Variants in CLEC16A observed in about 807,000 individuals in gnomAD.
The protein encoded by CLEC16A is protein CLEC16A.
A neutral mutation model predicts 109.5 loss-of-function variants in CLEC16A; 51 were observed. The observed-to-expected ratio is 0.47, with a 90% CI of 0.37 to 0.59. The LOEUF (loss-of-function observed/expected upper bound fraction) is 0.59, where lower values mean the gene tolerates loss of function less well. Among genes scored for constraint, CLEC16A ranks in the 20% least tolerant of loss-of-function variants. CLEC16A has a pLI of 0.00. For synonymous variants in CLEC16A, 673 were observed against 564.2 expected (o/e 1.19, Z -2.73); for missense variants, 1,339 against 1,394.0 (o/e 0.96, Z 0.63).
chr16:11,143,141 T>C (rs1185606037), intron 22 of CLEC16A, among the ~76,000 whole-genome samples: 1 of 152,220 alleles, frequency 6.6e-6, no homozygotes. Context: ...GAGCACCTAC[T>C]GTGTGCCACG....
intron 11 of CLEC16A, among the ~76,000 whole-genome samples, chr16:11,014,823 A>G (rs1407710112): frequency 6.6e-6 from 1 of 152,176 alleles, no homozygotes; most frequent in Non-Finnish European, 1.5e-5. Context: ...GACAACAGGG[A>G]CAATTGGAGT....
rs2141059858 is a variant in CLEC16A, at chr16:11,178,932, TGACTGCACCG to T, written c.*244_*253del. The T allele has an allele frequency of 2.2e-6, 1 of 459,892 alleles. No individual in the cohort carries two copies. Among genetic ancestry groups the T allele is most frequent in the African/African-American group, 2.0e-5 (1 of 50,282 alleles). 28.5% of individuals were successfully genotyped at this position (459,892 alleles called of 1,614,324 possible). On this transcript the variant is annotated 3_prime_UTR_variant, in exon 24 of 24. Coordinates refer to ENST00000409790, the MANE Select transcript of CLEC16A (RefSeq NM_015226.3). The surrounding 1 kb of genome is among the most constrained non-coding windows in gnomAD (Gnocchi z 6.5). The stretch of plus-strand genomic sequence containing the variant: ...GCGGAGACACCGCGGCGAATGCAGA[TGACTGCACCG>T]GCCACTCAGGGAGCTGCCTGGGCTC...
At chr16:11,155,181 C>G (rs2054460235) in intron 22 of CLEC16A, among the ~76,000 whole-genome samples, 2 of 152,116 alleles carry the variant, frequency 1.3e-5, no homozygotes, top group African/African-American at 4.8e-5. Flanking sequence ...GTTCCAGGCA[C>G]CGTAAATTCC....
chr16:11,071,685 G>C (rs7184615), intron 19 of CLEC16A, among the ~76,000 whole-genome samples: 61,719 of 146,186 alleles, frequency 0.42, 13,958 homozygotes, highest in African/African-American at 0.6. Flanking sequence ...CTCCTGGGCT[G>C]AAGTGATCAT....
chr16:11,147,820 G>A (rs2054130060), intron 22 of CLEC16A, among the ~76,000 whole-genome samples: 1 of 152,184 alleles, frequency 6.6e-6, no homozygotes, highest in Non-Finnish European at 1.5e-5. Context: ...ATAGTTCAAT[G>A]TATGTAACAT....
chr16:10,975,618 T>A (rs1206047994), intron 7 of CLEC16A, among the ~76,000 whole-genome samples: 1 of 152,284 alleles, frequency 6.6e-6, no homozygotes, highest in South Asian at 2.1e-4. Context: ...CTTTACAACA[T>A]GTATTTGCTG....
At chr16:11,129,762 C>CTTTTT (rs34035128) in intron 22 of CLEC16A, among the ~76,000 whole-genome samples, 1 of 125,578 alleles carries the variant, frequency 8.0e-6, no homozygotes. Context: ...GGCCTGGTTC[C>CTTTTT]TTTTTTTTTT....
In CLEC16A at chr16:11,051,563, G is replaced by A. The variant is rs1315804163; in HGVS notation, c.1917G>A (p.Leu639=). 2 of 1,613,912 alleles carry A rather than the reference G, an allele frequency of 1.2e-6. No individual in the cohort carries two copies. The highest frequency in any genetic ancestry group is 1.1e-5 in the South Asian group (1 of 91,092). ...TCATGATGGACGCCTCCATCCTGCT[G>A]CCCCCAACAGGCACGCCACTGACGG... ...EYLMMDASIL[L]PPTGTPLTGI... is the part of the protein sequence containing the mutation. The change falls in exon 18 of 24, where the codon CTG becomes CTA. Residue 639 remains leucine, a synonymous_variant. Transcript: ENST00000409790.
chr16:11,079,423 A>T (rs2049577629), intron 19 of CLEC16A, among the ~76,000 whole-genome samples: 1 of 152,220 alleles, frequency 6.6e-6, no homozygotes, highest in Non-Finnish European at 1.5e-5. Flanking sequence ...AAGAGCCAAA[A>T]GTTCTCATCC....
At chr16:10,986,145 C>G (rs911171029) in intron 10 of CLEC16A, among the ~76,000 whole-genome samples, 1 of 149,402 alleles carries the variant, frequency 6.7e-6, no homozygotes, top group African/African-American at 2.5e-5. Context: ...ATTCTCCTGC[C>G]TCAGCCTCCC....
intron 9 of CLEC16A, 44 bp downstream of exon 9, chr16:10,979,426 C>A: frequency 6.4e-7 from 1 of 1,555,536 alleles, no homozygotes; most frequent in East Asian, 2.3e-5. Context: ...ATTTGGGGTC[C>A]CTTGGCGTGC....
intron 19 of CLEC16A, among the ~76,000 whole-genome samples, chr16:11,114,348 A>G (rs1480712225): frequency 6.6e-6 from 1 of 152,146 alleles, no homozygotes; most frequent in East Asian, 1.9e-4. Flanking sequence ...CCACCCCTGT[A>G]GAATTGGAGA....
chr16:11,022,393 C>G (rs866798237), intron 12 of CLEC16A, among the ~76,000 whole-genome samples: 1 of 127,208 alleles, frequency 7.9e-6, no homozygotes, highest in Admixed American at 9.2e-5. Context: ...GTTGCTCAGG[C>G]TAGTCTGGAA....
At position 11,174,032 on chromosome 16, in the gene CLEC16A, C is replaced by T. The variant is rs1597636966; in HGVS notation, c.2807-4303C>T. ...GCCACAAGCCCATGCTGGGCACTGC[C>T]CCACGACCCTCGCCCCTCGTCAGTG... On this transcript the variant is annotated intron_variant, in intron 23 of 23. Coordinates refer to ENST00000409790, the MANE Select transcript of CLEC16A (RefSeq NM_015226.3). This position sits in a 1 kb window ranked among gnomAD's most constrained non-coding sequence, Gnocchi z 4.7. 5.3e-6 allele frequency: 2 copies of T among 377,402 alleles called. No homozygotes were observed. The highest frequency in any genetic ancestry group is 1.5e-4 in the East Asian group (2 of 13,004). 23.4% of individuals were successfully genotyped at this position (377,402 alleles called of 1,614,324 possible).
intron 1 of CLEC16A, among the ~76,000 whole-genome samples, chr16:10,955,042 T>C (rs562785798): frequency 6.6e-6 from 1 of 152,310 alleles, no homozygotes; most frequent in South Asian, 2.1e-4. Flanking sequence ...TGAGGAAGCC[T>C]TGACTGTTCC....
chr16:11,174,135 C>T lies in CLEC16A; in HGVS notation c.2807-4200C>T, dbSNP rs369979239. The T allele has an allele frequency of 4.7e-4, 222 of 468,364 alleles. No individual in the cohort carries two copies. The highest frequency in any genetic ancestry group is 3.7e-3 in the African/African-American group (185 of 50,156). The allele number at this position is 468,364 out of a possible 1,614,324, so 29.0% of individuals were successfully genotyped here. A position where few individuals can be genotyped will look rare whatever the true frequency, so the allele number is the denominator to read the frequency against. ...TTGTTAAAGGCTTTCTATGATCTGTCGCTGTGTTTTCCCTCTAGTCAGGAG... is the reference window on the plus strand; with the variant it reads ...TTGTTAAAGGCTTTCTATGATCTGTTGCTGTGTTTTCCCTCTAGTCAGGAG... On this transcript the variant is annotated intron_variant, in intron 23 of 23. Transcript: ENST00000409790. The surrounding 1 kb of genome is among the most constrained non-coding windows in gnomAD (Gnocchi z 4.7).
intron 23 of CLEC16A, among the ~76,000 whole-genome samples, chr16:11,175,535 G>T (rs760872880): frequency 6.6e-6 from 1 of 152,198 alleles, no homozygotes; most frequent in African/African-American, 2.4e-5. Context: ...TGAAAACCTG[G>T]CAGAGTTCTC....
chr16:10,986,531 C>A (rs974037415), intron 10 of CLEC16A, among the ~76,000 whole-genome samples: 1 of 152,080 alleles, frequency 6.6e-6, no homozygotes, highest in Admixed American at 6.5e-5. Context: ...TACTTCATAC[C>A]CACTGGACAA....
intron 22 of CLEC16A, chr16:11,150,357 A>T (rs545029614): frequency 3.3e-5 from 5 of 152,260 alleles, no homozygotes. Flanking sequence ...ACTGTAAATC[A>T]GGAATCTGTG....
Sources: gnomAD v4.1 joint callset for allele counts (sites outside exome capture counted in the v4.1 genomes callset) on GRCh38, gnomAD v4.1.1 for gene constraint, Gnocchi (gnomAD v3.1) non-coding constraint, MANE v1.5 for transcripts, NCBI Gene and HGNC (gene_info 2026-07-23, HGNC 2026-07-21) for gene names.